Variants in CACNB4 observed in about 807,000 individuals in gnomAD.
CACNB4 encodes voltage-dependent L-type calcium channel subunit beta-4.
Under a neutral mutation model 71.2 loss-of-function variants are expected in CACNB4, and 32 were observed. That is an observed-to-expected ratio of 0.45 (90% confidence interval 0.34 to 0.60). The LOEUF (loss-of-function observed/expected upper bound fraction) is 0.60, where lower values mean the gene tolerates loss of function less well. Among genes scored for constraint, CACNB4 ranks in the 20% least tolerant of loss-of-function variants. CACNB4 has a pLI of 0.01. For missense variants in CACNB4, 464 were observed against 647.9 expected (o/e 0.72, Z 3.08); for synonymous variants, 231 against 236.9 (o/e 0.97, Z 0.23).
At chr2:151,987,920 AT>A (rs1681462292) in intron 2 of CACNB4, among the ~76,000 whole-genome samples, 1 of 152,166 alleles carries the variant, frequency 6.6e-6, no homozygotes, top group Non-Finnish European at 1.5e-5. Context: ...ATCTGCATGA[AT>A]TTGCCTGAAA....
At chr2:152,044,873 T>A (rs1453918871) in intron 2 of CACNB4, among the ~76,000 whole-genome samples, 2 of 152,102 alleles carry the variant, frequency 1.3e-5, no homozygotes, top group Non-Finnish European at 2.9e-5. Flanking sequence ...TCTTCAAAAT[T>A]TCCAGAGCAC....
At chr2:152,083,489 A>C (rs1687478192) in intron 2 of CACNB4, among the ~76,000 whole-genome samples, 1 of 152,144 alleles carries the variant, frequency 6.6e-6, no homozygotes, top group Non-Finnish European at 1.5e-5. Context: ...ATCCTGAATC[A>C]CTGTGGCCAC....
At chr2:151,859,476 T>C (rs1208505720) in intron 10 of CACNB4, 1 of 152,234 alleles carries the variant, frequency 6.6e-6, no homozygotes, top group Admixed American at 6.5e-5. Flanking sequence ...TTGATGTTTG[T>C]TTGAGAAACT....
At chr2:151,919,825 G>C (rs1252604250) in intron 2 of CACNB4, among the ~76,000 whole-genome samples, 3 of 152,210 alleles carry the variant, frequency 2.0e-5, no homozygotes, top group East Asian at 3.9e-4. Flanking sequence ...TATGACTTAA[G>C]TGCAAGTTTG....
chr2:151,896,137 C>T (rs150677068), intron 2 of CACNB4, among the ~76,000 whole-genome samples: 4 of 152,266 alleles, frequency 2.6e-5, no homozygotes, highest in South Asian at 2.1e-4. Context: ...TGAGACACCA[C>T]GCCCAGCCAA....
chr2:151,912,069 CTTT>C (rs908730688), intron 2 of CACNB4, among the ~76,000 whole-genome samples: 9 of 151,870 alleles, frequency 5.9e-5, no homozygotes, highest in African/African-American at 1.9e-4. Context: ...TTTTCTTCTT[CTTT>C]ATTAGTCTAG....
At chr2:151,981,577 A>G (rs2099874728) in intron 2 of CACNB4, among the ~76,000 whole-genome samples, 1 of 152,178 alleles carries the variant, frequency 6.6e-6, no homozygotes, top group Non-Finnish European at 1.5e-5. Flanking sequence ...TGGTAGCAAT[A>G]AGGTCCTGAG....
intron 2 of CACNB4, among the ~76,000 whole-genome samples, chr2:151,995,999 A>G (rs540087415): frequency 4.2e-4 from 64 of 152,258 alleles, no homozygotes; most frequent in African/African-American, 1.4e-3. Context: ...GAATGGTCGG[A>G]GCAAGTCCTT....
At chr2:151,846,138 G>A (rs1298600266) in intron 12 of CACNB4, among the ~76,000 whole-genome samples, 2 of 152,186 alleles carry the variant, frequency 1.3e-5, no homozygotes, top group African/African-American at 2.4e-5. Context: ...TACTAGGGAA[G>A]CCACCTGAAT....
intron 2 of CACNB4, among the ~76,000 whole-genome samples, chr2:152,045,555 G>A (rs1685103451): frequency 6.6e-6 from 1 of 152,100 alleles, no homozygotes; most frequent in Admixed American, 6.5e-5. Flanking sequence ...TGTACTTAGT[G>A]CCATTGAATG....
intron 2 of CACNB4, among the ~76,000 whole-genome samples, chr2:152,002,021 A>G (rs1483834894): frequency 6.6e-6 from 1 of 152,188 alleles, no homozygotes; most frequent in African/African-American, 2.4e-5. Context: ...TCCACAGCAC[A>G]CCAAAGTCTT....
intron 13 of CACNB4, among the ~76,000 whole-genome samples, chr2:151,840,992 A>G (rs1449841292): frequency 6.6e-6 from 1 of 152,196 alleles, no homozygotes; most frequent in Admixed American, 6.5e-5. Context: ...ATACCAGAAC[A>G]GCAGAAGGGA....
chr2:151,864,067 C>T (rs140177867), intron 9 of CACNB4, among the ~76,000 whole-genome samples: 5 of 152,272 alleles, frequency 3.3e-5, no homozygotes, highest in Admixed American at 2.0e-4. Flanking sequence ...CTTTTTTTAA[C>T]TTAAAGTGGT....
chr2:152,034,360 T>C (rs536563776), intron 2 of CACNB4, among the ~76,000 whole-genome samples: 3 of 152,322 alleles, frequency 2.0e-5, no homozygotes, highest in East Asian at 1.9e-4. Flanking sequence ...CTAAAAGCTC[T>C]TGAAGTCTCC....
intron 2 of CACNB4, chr2:151,968,298 A>C (rs2099871663): frequency 1.3e-5 from 2 of 152,224 alleles, no homozygotes; most frequent in South Asian, 4.1e-4. Flanking sequence ...CCAGAGCCTG[A>C]TGCAAACACA....
At chr2:151,911,697 A>G (rs2099856207) in intron 2 of CACNB4, among the ~76,000 whole-genome samples, 1 of 152,170 alleles carries the variant, frequency 6.6e-6, no homozygotes, top group Non-Finnish European at 1.5e-5. Flanking sequence ...TCATAAAATG[A>G]GTTAGGGAAG....
chr2:151,859,489 A>G (rs1285635542), intron 10 of CACNB4: 5 of 152,224 alleles, frequency 3.3e-5, no homozygotes, highest in Admixed American at 3.3e-4. Flanking sequence ...GAGAAACTTC[A>G]ACCTAACTTA....
intron 4 of CACNB4, among the ~76,000 whole-genome samples, chr2:151,878,892 CAG>C (rs1435856019): frequency 2.6e-5 from 4 of 151,990 alleles, no homozygotes; most frequent in Non-Finnish European, 4.4e-5. Context: ...GCCTGGAAAA[CAG>C]AGCGAGAACC....
intron 2 of CACNB4, among the ~76,000 whole-genome samples, chr2:152,015,580 T>C (rs1229931194): frequency 2.0e-5 from 3 of 152,224 alleles, no homozygotes; most frequent in African/African-American, 7.2e-5. Flanking sequence ...GGGATTTGCT[T>C]TGGAAAATGA....
Sources: gnomAD v4.1 joint callset for allele counts (sites outside exome capture counted in the v4.1 genomes callset) on GRCh38, gnomAD v4.1.1 for gene constraint, MANE v1.5 for transcripts, NCBI Gene and HGNC (gene_info 2026-07-23, HGNC 2026-07-21) for gene names.